The following TSHZ2 variants were observed in gnomAD, a reference collection of about 807,000 sequenced individuals.
TSHZ2 encodes teashirt zinc finger homeobox 2, also known as teashirt homolog 2.
Under a neutral mutation model 74.4 loss-of-function variants are expected in TSHZ2, and 21 were observed. The observed-to-expected ratio is 0.28, with a 90% CI of 0.20 to 0.41. The LOEUF is 0.41. Ranked by LOEUF, TSHZ2 falls within the 10% of genes least tolerant of loss-of-function variation. The pLI, the probability that TSHZ2 is intolerant of heterozygous loss-of-function variation, is 1.00. For missense variants in TSHZ2, 1,244 were observed against 1,293.5 expected (o/e 0.96, Z 0.59); for synonymous variants, 540 against 515.3 (o/e 1.05, Z -0.65).
intron 2 of TSHZ2, among the ~76,000 whole-genome samples, chr20:53,351,932 C>T (rs1348387341): frequency 2.0e-5 from 3 of 152,198 alleles, no homozygotes; most frequent in Non-Finnish European, 4.4e-5. Flanking sequence ...CTGCTAGTCA[C>T]TCCCTAAATT....
chr20:53,152,157 C>G (rs1600714170), intron 1 of TSHZ2, among the ~76,000 whole-genome samples: 1 of 152,104 alleles, frequency 6.6e-6, no homozygotes, highest in African/African-American at 2.4e-5. Flanking sequence ...ATCCTCCATT[C>G]TTCATTGTAC....
chr20:53,310,010 C>A (rs1009791351), intron 2 of TSHZ2, among the ~76,000 whole-genome samples: 1 of 152,174 alleles, frequency 6.6e-6, no homozygotes, highest in Non-Finnish European at 1.5e-5. Context: ...TGTTGAGCAT[C>A]TAACATAGTA....
chr20:53,319,963 GTGCACTTCTAGCATT>G (rs1181448467), intron 2 of TSHZ2, among the ~76,000 whole-genome samples: 1 of 152,150 alleles, frequency 6.6e-6, no homozygotes, highest in Non-Finnish European at 1.5e-5. Flanking sequence ...TCTGGGTGTG[GTGCACTTCTAGCATT>G]TGCTTTCCCT....
intron 1 of TSHZ2, among the ~76,000 whole-genome samples, chr20:53,223,671 C>T (rs558415687): frequency 9.9e-5 from 15 of 152,250 alleles, no homozygotes; most frequent in African/African-American, 3.6e-4. Flanking sequence ...GCCGGGATTA[C>T]AGACATGAGC....
At chr20:53,315,762 C>T (rs948398287) in intron 2 of TSHZ2, among the ~76,000 whole-genome samples, 3 of 152,128 alleles carry the variant, frequency 2.0e-5, no homozygotes, top group African/African-American at 7.2e-5. Flanking sequence ...GCATGGAAAA[C>T]AGATAATAAA....
intron 1 of TSHZ2, among the ~76,000 whole-genome samples, chr20:53,217,595 C>T (rs2123630823): frequency 6.6e-6 from 1 of 152,268 alleles, no homozygotes; most frequent in Admixed American, 6.5e-5. Context: ...TGGCAGATCC[C>T]TGGTGCTCAG....
At chr20:53,344,696 A>T (rs1439347615) in intron 2 of TSHZ2, among the ~76,000 whole-genome samples, 1 of 152,342 alleles carries the variant, frequency 6.6e-6, no homozygotes, top group East Asian at 1.9e-4. Context: ...ATGAATTCCA[A>T]CTGGGTATGT....
chr20:53,180,496 G>C (rs552373006), intron 1 of TSHZ2, among the ~76,000 whole-genome samples: 1 of 152,152 alleles, frequency 6.6e-6, no homozygotes, highest in Admixed American at 6.5e-5. Context: ...TGAGATACAG[G>C]TTTATGCAGA....
At chr20:53,046,831 G>T (rs1401538309) in intron 1 of TSHZ2, among the ~76,000 whole-genome samples, 2 of 152,160 alleles carry the variant, frequency 1.3e-5, no homozygotes, top group Non-Finnish European at 2.9e-5. Flanking sequence ...TGTTGGGAAG[G>T]TGGAACTAAC....
At chr20:53,129,922 A>G (rs938366498) in intron 1 of TSHZ2, among the ~76,000 whole-genome samples, 3 of 151,342 alleles carry the variant, frequency 2.0e-5, no homozygotes, top group African/African-American at 4.9e-5. Context: ...CTGTGTTGAC[A>G]ATTTCAGAAA....
chr20:53,177,205 T>C (rs1988364115), intron 1 of TSHZ2, among the ~76,000 whole-genome samples: 2 of 152,160 alleles, frequency 1.3e-5, no homozygotes, highest in African/African-American at 2.4e-5. Flanking sequence ...CTTTGTAACC[T>C]ACCTGCCTTA....
intron 2 of TSHZ2, among the ~76,000 whole-genome samples, chr20:53,467,679 G>C (rs1985602406): frequency 6.6e-6 from 1 of 152,096 alleles, no homozygotes. Flanking sequence ...ATATACCAAA[G>C]GAAAATGGAA....
intron 1 of TSHZ2, among the ~76,000 whole-genome samples, chr20:52,986,870 T>A (rs1177558882): frequency 6.6e-6 from 1 of 152,190 alleles, no homozygotes; most frequent in Non-Finnish European, 1.5e-5. Context: ...GGAATGGTTT[T>A]AAAGAAATAT....
At chr20:53,107,412 G>A (rs914911544) in intron 1 of TSHZ2, among the ~76,000 whole-genome samples, 5 of 152,154 alleles carry the variant, frequency 3.3e-5, no homozygotes, top group African/African-American at 1.2e-4. Flanking sequence ...TGTGAAAAAA[G>A]CATCTGTCAC....
intron 1 of TSHZ2, among the ~76,000 whole-genome samples, chr20:53,128,975 G>C (rs75606582): frequency 6.6e-6 from 1 of 152,046 alleles, no homozygotes; most frequent in Admixed American, 6.6e-5. Context: ...AACCCCCTCT[G>C]TTGAGCACTT....
At chr20:53,465,900 T>G (rs1985541875) in intron 2 of TSHZ2, among the ~76,000 whole-genome samples, 1 of 150,176 alleles carries the variant, frequency 6.7e-6, no homozygotes, top group Non-Finnish European at 1.5e-5. Context: ...CTACCAACCC[T>G]CTTTTCCAGT....
At chr20:53,063,718 G>A (rs1984890425) in intron 1 of TSHZ2, among the ~76,000 whole-genome samples, 1 of 152,202 alleles carries the variant, frequency 6.6e-6, no homozygotes, top group African/African-American at 2.4e-5. Context: ...TACTCAACTT[G>A]AGCACAAAAT....
chr20:53,010,475 A>G (rs1347065941), intron 1 of TSHZ2, among the ~76,000 whole-genome samples: 1 of 152,166 alleles, frequency 6.6e-6, no homozygotes, highest in Non-Finnish European at 1.5e-5. Context: ...AGTGGTTAGA[A>G]CCAGCTGGAT....
chr20:53,270,883 G>T (rs1990821095), intron 2 of TSHZ2, among the ~76,000 whole-genome samples: 1 of 152,062 alleles, frequency 6.6e-6, no homozygotes. Flanking sequence ...GTTCACCAGA[G>T]GATTTTGTCA....
Sources: gnomAD v4.1 joint callset for allele counts (sites outside exome capture counted in the v4.1 genomes callset) on GRCh38, gnomAD v4.1.1 for gene constraint, MANE v1.5 for transcripts, NCBI Gene and HGNC (gene_info 2026-07-23, HGNC 2026-07-21) for gene names.